Variants in PTPN12 observed in about 807,000 individuals in gnomAD.
PTPN12 encodes the protein tyrosine-protein phosphatase non-receptor type 12.
Under a neutral mutation model 97.6 loss-of-function variants are expected in PTPN12, and 29 were observed. The ratio of observed to expected loss-of-function variants is 0.30; its 90% CI spans 0.22 to 0.41. PTPN12 has a LOEUF of 0.41. PTPN12 is among the 10% of genes least tolerant of loss of function. The probability of loss-of-function intolerance (pLI) is 1.00; values close to 1 mark genes in which losing one functional copy is unlikely to be tolerated. For synonymous variants in PTPN12, 327 were observed against 300.4 expected (o/e 1.09, Z -0.91); for missense variants, 819 against 926.0 (o/e 0.88, Z 1.50).
chr7:77,633,557 C>A (rs1233638788), intron 14 of PTPN12, among the ~76,000 whole-genome samples: 2 of 148,502 alleles, frequency 1.3e-5, no homozygotes, highest in African/African-American at 5.0e-5. Context: ...TGGAGTGAGC[C>A]GAGACCATGC....
intron 1 of PTPN12, among the ~76,000 whole-genome samples, chr7:77,542,081 C>T (rs1425630788): frequency 6.6e-6 from 1 of 152,102 alleles, no homozygotes; most frequent in African/African-American, 2.4e-5. Context: ...CTTTGAGAAC[C>T]AGTGAGCTAA....
intron 5 of PTPN12, among the ~76,000 whole-genome samples, chr7:77,589,418 A>G (rs1787795706): frequency 6.6e-6 from 1 of 152,232 alleles, no homozygotes; most frequent in Non-Finnish European, 1.5e-5. Flanking sequence ...AATAAAACTT[A>G]TAAAGTGTGG....
At chr7:77,614,431 T>C (rs892920426) in intron 11 of PTPN12, among the ~76,000 whole-genome samples, 1 of 152,156 alleles carries the variant, frequency 6.6e-6, no homozygotes, top group Non-Finnish European at 1.5e-5. Context: ...TCATACTTTG[T>C]AGGAGATGAG....
At chr7:77,628,584 C>T (rs1248982692) in intron 13 of PTPN12, among the ~76,000 whole-genome samples, 1 of 147,948 alleles carries the variant, frequency 6.8e-6, no homozygotes, top group African/African-American at 2.5e-5. Context: ...TTGAGACTTG[C>T]ACTCAAAAGA....
At chr7:77,606,658 T>C (rs1347147873) in intron 8 of PTPN12, among the ~76,000 whole-genome samples, 1 of 152,250 alleles carries the variant, frequency 6.6e-6, no homozygotes, top group Non-Finnish European at 1.5e-5. Flanking sequence ...TTCAAAAATA[T>C]CAAATGGAAA....
At chr7:77,612,059 T>C (rs916444432) in intron 11 of PTPN12, among the ~76,000 whole-genome samples, 22 of 151,860 alleles carry the variant, frequency 1.4e-4, no homozygotes, top group Admixed American at 1.3e-3. Context: ...TTAAACCAAG[T>C]ATGAGAAAAT....
intron 12 of PTPN12, among the ~76,000 whole-genome samples, chr7:77,620,554 T>C (rs1788897387): frequency 6.6e-6 from 1 of 152,258 alleles, no homozygotes; most frequent in African/African-American, 2.4e-5. Flanking sequence ...TGTTCCAACA[T>C]AACTGAAAAT....
At chr7:77,545,685 T>C (rs536539603) in intron 1 of PTPN12, 12 of 152,144 alleles carry the variant, frequency 7.9e-5, no homozygotes, top group African/African-American at 2.9e-4. Flanking sequence ...ACTTTGGTCC[T>C]AGTTGAGAAT....
At chr7:77,570,316 A>G (rs1240356319) in intron 1 of PTPN12, among the ~76,000 whole-genome samples, 1 of 152,224 alleles carries the variant, frequency 6.6e-6, no homozygotes, top group East Asian at 1.9e-4. Flanking sequence ...TTTGTATTTA[A>G]TAATTTGTTG....
chr7:77,636,779 T>A (rs779217546), intron 15 of PTPN12: 90 of 341,280 alleles, frequency 2.6e-4, no homozygotes, highest in Non-Finnish European at 3.6e-4. Context: ...CAGCTGTATG[T>A]TCCTTCATGC....
Position 77,571,069 on chromosome 7 carries a change from T to C in PTPN12, c.100-9T>C. On this transcript the variant is annotated splice_polypyrimidine_tract_variant and intron_variant, in intron 1 of 17. Transcript: ENST00000248594. ...TCTAAACTTTAATTTTTATTTGTTG[T>C]ATTTTAAGCGGTTAAGAAGATTGTC... 1 of 1,509,778 alleles carries C rather than the reference T, an allele frequency of 6.6e-7. No homozygotes were observed. The allele number at this position is 1,509,778 out of a possible 1,614,324, so 93.5% of individuals were successfully genotyped here.
At chr7:77,610,676 G>T (rs1788540645) in intron 9 of PTPN12, 89 bp from the exon 10 acceptor site, 1 of 1,295,674 alleles carries the variant, frequency 7.7e-7, no homozygotes, top group South Asian at 1.3e-5. Context: ...AAACCAGCAG[G>T]TATTTAAGTT....
At chr7:77,626,602 C>A in intron 12 of PTPN12, 103 bp from the exon 13 acceptor site, 3 of 1,274,482 alleles carry the variant, frequency 2.4e-6, no homozygotes, top group Admixed American at 2.6e-5. Flanking sequence ...TATTCGCAAC[C>A]AGATTGTAAT....
intron 12 of PTPN12, among the ~76,000 whole-genome samples, chr7:77,620,111 A>G (rs918260858): frequency 2.0e-5 from 3 of 152,190 alleles, no homozygotes; most frequent in African/African-American, 7.2e-5. Context: ...CCTGTGTTTT[A>G]ATTTGGTTTT....
chr7:77,578,866 T>C (rs568557735), intron 2 of PTPN12, among the ~76,000 whole-genome samples: 1 of 152,238 alleles, frequency 6.6e-6, no homozygotes, highest in East Asian at 1.9e-4. Context: ...CCTCAAATAC[T>C]TACTAACTAT....
At chr7:77,557,473 G>T (rs1298072791) in intron 1 of PTPN12, among the ~76,000 whole-genome samples, 8 of 152,204 alleles carry the variant, frequency 5.3e-5, no homozygotes, top group African/African-American at 1.9e-4. Context: ...AAGAAAAGTT[G>T]TTGATTTTTC....
intron 16 of PTPN12, 117 bp from the exon 17 acceptor site, chr7:77,638,507 G>A: frequency 1.5e-6 from 2 of 1,306,070 alleles, no homozygotes; most frequent in Non-Finnish European, 2.0e-6. Context: ...AAATTATGGT[G>A]CCCAGGAGAG....
intron 11 of PTPN12, among the ~76,000 whole-genome samples, chr7:77,613,381 G>T (rs961134876): frequency 8.6e-5 from 13 of 151,184 alleles, no homozygotes; most frequent in African/African-American, 2.7e-4. Flanking sequence ...CACCATGTTG[G>T]CCAGGCTGGT....
intron 11 of PTPN12, among the ~76,000 whole-genome samples, chr7:77,617,206 A>G (rs985579954): frequency 6.6e-6 from 1 of 152,184 alleles, no homozygotes; most frequent in African/African-American, 2.4e-5. Context: ...TCTAGGTTTA[A>G]TAATTAATAA....
Sources: allele counts gnomAD v4.1 joint callset (sites outside exome capture counted in the v4.1 genomes callset), GRCh38; gene constraint gnomAD v4.1.1; transcripts MANE v1.5; gene names NCBI Gene and HGNC (gene_info 2026-07-23, HGNC 2026-07-21).